Variants in NIPA1 observed in about 807,000 individuals in gnomAD.
NIPA1 encodes magnesium transporter NIPA1.
NIPA1 carries 13 observed loss-of-function variants against 23.9 expected under a neutral mutation model. The observed-to-expected ratio is 0.54, with a 90% confidence interval of 0.35 to 0.87. NIPA1 has a LOEUF of 0.87. Among genes scored for constraint, NIPA1 ranks in the 40% least tolerant of loss-of-function variants. The probability of loss-of-function intolerance (pLI) is 0.01; values close to 1 mark genes in which losing one functional copy is unlikely to be tolerated. For synonymous variants in NIPA1, 234 were observed against 202.9 expected, an observed-to-expected ratio of 1.15 and a Z score of -1.30; for missense variants, 362 against 429.7, an observed-to-expected ratio of 0.84 and a Z score of 1.39.
At chr15:22,791,081 TATA>T (rs1470575919) in intron 1 of NIPA1, among the ~76,000 whole-genome samples, 1 of 152,162 alleles carries the variant, frequency 6.6e-6, no homozygotes, top group African/African-American at 2.4e-5. Context: ...ATCACCTGAA[TATA>T]ATATTTCATC....
At chr15:22,788,498 CAAAAAA>C (rs905296655) in intron 1 of NIPA1, among the ~76,000 whole-genome samples, 1 of 89,588 alleles carries the variant, frequency 1.1e-5, no homozygotes, top group African/African-American at 3.9e-5. Context: ...GACTCCATCT[CAAAAAA>C]AAAAAAAAAA....
At chr15:22,812,054 T>C (rs1895328186) in intron 2 of NIPA1, 109 bp from the exon 3 acceptor site, 2 of 845,272 alleles carry the variant, frequency 2.4e-6, no homozygotes, top group South Asian at 1.4e-5. Flanking sequence ...TCACAAGTAA[T>C]GTGAATGAAG....
intron 1 of NIPA1, among the ~76,000 whole-genome samples, chr15:22,806,881 G>A (rs1409246383): frequency 6.6e-6 from 1 of 152,152 alleles, no homozygotes; most frequent in Non-Finnish European, 1.5e-5. Context: ...CAGAACAGGG[G>A]ACACCCCTGG....
Position 22,824,154 on chromosome 15 carries a change from C to G in NIPA1, c.905C>G (p.Ser302Cys), listed in dbSNP as rs865888186. Residue 302 changes from serine (S) to cysteine (C), a missense_variant, in exon 5 of 5, where the codon TCC becomes TGC. This residue lies in a region of NIPA1 where 277 missense variants were observed against 372.0 expected (regional missense o/e 0.74). Transcript: ENST00000337435. This position sits in a 1 kb window ranked among gnomAD's most constrained non-coding sequence, Gnocchi z 4.1. ...LGMACGFTTVSVGIVLIQVFK... is the reference protein window; with the variant it reads ...LGMACGFTTVCVGIVLIQVFK... ...ATGGCCTGTGGATTCACGACCGTCT[C>G]CGTGGGGATTGTCCTTATACAGGTG... is the stretch of plus-strand genomic sequence containing the variant. 1 of 1,613,574 alleles carries G rather than the reference C, an allele frequency of 6.2e-7. No individual in the cohort carries two copies. Among genetic ancestry groups the G allele is most frequent in the East Asian group, 2.2e-5 (1 of 44,896 alleles).
At chr15:22,821,028 A>AGT (rs1354722785) in intron 4 of NIPA1, among the ~76,000 whole-genome samples, 1 of 145,402 alleles carries the variant, frequency 6.9e-6, no homozygotes, top group African/African-American at 2.5e-5. Flanking sequence ...CCCAGGCTGG[A>AGT]GTGCAGTGGC....
At chr15:22,797,758 C>T (rs1048232754) in intron 1 of NIPA1, among the ~76,000 whole-genome samples, 5 of 152,116 alleles carry the variant, frequency 3.3e-5, no homozygotes, top group African/African-American at 9.7e-5. Flanking sequence ...CCACCTCGGC[C>T]TCCCAAAGTA....
intron 1 of NIPA1, among the ~76,000 whole-genome samples, chr15:22,792,885 C>T (rs999615981): frequency 1.3e-5 from 2 of 151,846 alleles, no homozygotes; most frequent in Non-Finnish European, 2.9e-5. Context: ...ACCTGGGAGG[C>T]GGAAGTTTCA....
chr15:22,809,285 G>T (rs1245894576), intron 1 of NIPA1, among the ~76,000 whole-genome samples: 1 of 152,080 alleles, frequency 6.6e-6, no homozygotes, highest in Non-Finnish European at 1.5e-5. Context: ...TACTTGGGAG[G>T]CTGAAGCATG....
intron 3 of NIPA1, among the ~76,000 whole-genome samples, chr15:22,820,063 G>A (rs962565592): frequency 1.1e-4 from 16 of 152,068 alleles, no homozygotes; most frequent in African/African-American, 3.6e-4. Flanking sequence ...TGGGTGTGGT[G>A]GCATGCACCT....
chr15:22,813,628 T>C (rs955537774), intron 3 of NIPA1: 1 of 455,940 alleles, frequency 2.2e-6, no homozygotes, highest in Non-Finnish European at 4.4e-6. Context: ...TCTGCTGTAT[T>C]CCAGACAGAT....
chr15:22,804,827 A>G (rs1895170531), intron 1 of NIPA1, among the ~76,000 whole-genome samples: 1 of 151,876 alleles, frequency 6.6e-6, no homozygotes, highest in Non-Finnish European at 1.5e-5. Context: ...TCTTGATTAT[A>G]TAGTTTTATA....
chr15:22,799,490 C>T lies in NIPA1; in HGVS notation c.179-11259C>T, dbSNP rs138774313. Among the ~76,000 whole-genome samples the T allele has an allele frequency of 2.1e-3, 321 of 151,776 alleles. 3 individuals carry two copies. The highest frequency in any genetic ancestry group is 7.4e-3 in the African/African-American group (308 of 41,436). ...CGAAACCTCATCTCTAAAAAAAATA[C>T]AAAAATTGGCCGGCCAGCGCAGTGG... On this transcript the variant is annotated intron_variant, in intron 1 of 4. Transcript: ENST00000337435.
Position 22,786,682 on chromosome 15 carries a change from CGG to C in NIPA1, c.27_28del (p.Ala10GlyfsTer12). The stretch of plus-strand genomic sequence containing the variant: ...ATGGGGACTGCAGCTGCGGCAGCGG[CGG>C]CGGCGGCGGCGGCGGCGGCCGGGGA... On this transcript the variant is annotated frameshift_variant, in exon 1 of 5. Transcript: ENST00000337435. LOFTEE classifies it high-confidence loss of function. 9.7e-7 allele frequency: 1 copy of C among 1,032,650 alleles called. No homozygotes were observed. The highest frequency in any genetic ancestry group is 1.2e-6 in the Non-Finnish European group (1 of 851,456). The allele number at this position is 1,032,650 out of a possible 1,614,324, so 64.0% of individuals were successfully genotyped here.
Position 22,826,924 on chromosome 15 carries a change from T to C in NIPA1, c.*2685T>C, listed in dbSNP as rs886050994. On this transcript the variant is annotated 3_prime_UTR_variant, in exon 5 of 5. Coordinates refer to ENST00000337435, the MANE Select transcript of NIPA1 (RefSeq NM_144599.5). ...AACAGTCTAATTTTCAAATTTAATATAGAGCATATAACTTCTGATTTGATA... is the reference window on the plus strand; with the variant it reads ...AACAGTCTAATTTTCAAATTTAATACAGAGCATATAACTTCTGATTTGATA... 40 of 152,152 alleles carry C rather than the reference T, an allele frequency of 2.6e-4. No individual in the cohort carries two copies. The highest frequency in any genetic ancestry group is 1.4e-3 in the Admixed American group (22 of 15,278). The allele number at this position is 152,152 out of a possible 1,614,324, so 9.4% of individuals were successfully genotyped here. A position where few individuals can be genotyped will look rare whatever the true frequency, so the allele number is the denominator to read the frequency against.
intron 1 of NIPA1, among the ~76,000 whole-genome samples, chr15:22,788,457 G>A (rs1008966176): frequency 1.4e-5 from 2 of 142,062 alleles, no homozygotes; most frequent in Non-Finnish European, 3.0e-5. Context: ...GCCGGGATCC[G>A]CCACTGCACT....
chr15:22,823,066 A>G (rs1895574463), intron 4 of NIPA1, among the ~76,000 whole-genome samples: 1 of 144,690 alleles, frequency 6.9e-6, no homozygotes, highest in African/African-American at 2.6e-5. Context: ...TTACTGGTGC[A>G]TGCCACCACG....
intron 1 of NIPA1, among the ~76,000 whole-genome samples, chr15:22,797,057 T>A (rs1399604636): frequency 2.0e-5 from 3 of 151,812 alleles, no homozygotes; most frequent in African/African-American, 4.8e-5. Flanking sequence ...TTTTTTTTTT[T>A]TAGATAAAGT....
At chr15:22,818,018 A>G (rs1895460906) in intron 3 of NIPA1, among the ~76,000 whole-genome samples, 1 of 152,058 alleles carries the variant, frequency 6.6e-6, no homozygotes, top group African/African-American at 2.4e-5. Context: ...CAGAAGGAAA[A>G]TAGATAAATT....
At chr15:22,818,609 AAC>A (rs1255528950) in intron 3 of NIPA1, among the ~76,000 whole-genome samples, 3 of 152,048 alleles carry the variant, frequency 2.0e-5, no homozygotes, top group Non-Finnish European at 4.4e-5. Context: ...CAGCCTGGCC[AAC>A]ATGGTGAAAC....
Sources: gnomAD v4.1 joint callset for allele counts (sites outside exome capture counted in the v4.1 genomes callset) on GRCh38, gnomAD v4.1.1 for gene constraint, gnomAD v4.1.1 regional missense constraint, Gnocchi (gnomAD v3.1) non-coding constraint, MANE v1.5 for transcripts, NCBI Gene and HGNC (gene_info 2026-07-23, HGNC 2026-07-21) for gene names.